ZBP1: variants seen among roughly 807,000 people sequenced by gnomAD.
ZBP1 encodes the protein Z-DNA-binding protein 1.
Under a neutral mutation model 41.1 loss-of-function variants are expected in ZBP1, and 42 were observed. That is an observed-to-expected ratio of 1.02 (90% CI 0.80 to 1.32). The LOEUF (loss-of-function observed/expected upper bound fraction) is 1.32. ZBP1 is among the 40% of genes most tolerant of loss of function. The pLI, the probability that ZBP1 is intolerant of heterozygous loss-of-function variation, is 0.00. For synonymous variants in ZBP1, 214 were observed against 205.2 expected, an observed-to-expected ratio of 1.04 and a Z score of -0.37; for missense variants, 562 against 549.7, an observed-to-expected ratio of 1.02 and a Z score of -0.22.
chr20:57,604,571 C>T lies in ZBP1; in HGVS notation c.*2G>A. On this transcript the variant is annotated 3_prime_UTR_variant, in exon 8 of 8. Transcript: ENST00000371173. The stretch of plus-strand genomic sequence containing the variant: ...TGTCCAAGCCCCACGTGAGGCTGTG[C>T]ACTAAATCCCACCTCCCCACCAGCT... 6 of 1,612,428 alleles carry T rather than the reference C, an allele frequency of 3.7e-6. No homozygotes were observed. The highest frequency in any genetic ancestry group is 5.1e-6 in the Non-Finnish European group (6 of 1,179,032).
chr20:57,605,971 G>A lies in ZBP1; in HGVS notation c.1094-1202C>T, dbSNP rs546627776. ...AATAAATAAATAAATAACCCCAAAC[G>A]GCCTCTATGTGCTAAAGTGAAAGGA... On this transcript the variant is annotated intron_variant, in intron 7 of 7. Transcript: ENST00000371173. Among the ~76,000 whole-genome samples, 9 of 152,022 alleles carry A rather than the reference G, an allele frequency of 5.9e-5. No homozygotes were observed. In the South Asian group the frequency reaches 8.3e-4, roughly 14 times the overall value.
intron 1 of ZBP1, 165 bp downstream of exon 1, chr20:57,620,097 A>G (rs2070964695): frequency 1.3e-6 from 1 of 787,706 alleles, no homozygotes; most frequent in Non-Finnish European, 2.1e-6. Context: ...TCGCCTCCCA[A>G]AGTGCTGGGA....
rs763542200 is a variant in ZBP1 at position 57,607,172 on chromosome 20, A to C, written c.1094-2403T>G. ...CTTCTGGAAAAGATCACCAATCTACATGCCGTTAAGAACATTTGTGATTCA... is the reference window on the plus strand; with the variant it reads ...CTTCTGGAAAAGATCACCAATCTACCTGCCGTTAAGAACATTTGTGATTCA... On this transcript the variant is annotated intron_variant, in intron 7 of 7. Transcript: ENST00000371173. The C allele has an allele frequency of 2.5e-5, 33 of 1,304,140 alleles. No homozygotes were observed. In the Admixed American group the frequency reaches 2.8e-4, roughly 11 times the overall value. The allele number at this position is 1,304,140 out of a possible 1,614,324, so 80.8% of individuals were successfully genotyped here.
rs1600736941 is a variant in ZBP1, at chr20:57,613,688, G to C, written c.503-358C>G. On this transcript the variant is annotated intron_variant, in intron 4 of 7. Transcript: ENST00000371173. This position sits in a 1 kb window ranked among gnomAD's most constrained non-coding sequence, Gnocchi z 4.5. Reference sequence around the variant, plus strand: ...ACCTGCACCATTGCCCTTTTCCCTTGAGTAATGGCCGAGAAACAGCAGCCC... The same window carrying C: ...ACCTGCACCATTGCCCTTTTCCCTTCAGTAATGGCCGAGAAACAGCAGCCC... 6.6e-6 allele frequency among the ~76,000 whole-genome samples: 1 copy of C among 152,316 alleles called. No homozygotes were observed. Among genetic ancestry groups the C allele is most frequent in the Non-Finnish European group, 1.5e-5 (1 of 68,034 alleles).
At chr20:57,608,126 CA>C (rs2070542293) in intron 7 of ZBP1, among the ~76,000 whole-genome samples, 1 of 130,066 alleles carries the variant, frequency 7.7e-6, no homozygotes, top group Non-Finnish European at 1.7e-5. Context: ...GGAGTGTGAC[CA>C]TTTTTTTTTT....
rs1290394382 is a variant in ZBP1 at position 57,604,702 on chromosome 20, G to A, written c.1161C>T (p.Pro387=). Reference sequence around the variant, plus strand: ...GCTTGGGGGTGAGCTTCGAGTGGCTGGGAGTGATGGGCTGACCAATGTCTC... The same window carrying A: ...GCTTGGGGGTGAGCTTCGAGTGGCTAGGAGTGATGGGCTGACCAATGTCTC... ...FPRDIGQPIT[P]SHSKLTPKLE... The change falls in exon 8 of 8, where the codon CCC becomes CCT. Residue 387 remains proline (P), a synonymous_variant. Transcript: ENST00000371173. 6.2e-7 allele frequency: 1 copy of A among 1,614,078 alleles called. No individual in the cohort carries two copies. The highest frequency in any genetic ancestry group is 8.5e-7 in the Non-Finnish European group (1 of 1,180,046).
At chr20:57,604,790 G>A (rs778381596) in intron 7 of ZBP1, 21 bp from the exon 8 acceptor site, 5 of 1,604,550 alleles carry the variant, frequency 3.1e-6, no homozygotes, top group Non-Finnish European at 4.3e-6. Context: ...GAAGATGGGG[G>A]ATCAGCTTCA....
At position 57,613,434 on chromosome 20, in the gene ZBP1, A is replaced by AC. The variant is rs1336427897; in HGVS notation, c.503-105dup. The AC allele has an allele frequency of 1.3e-5, 17 of 1,306,904 alleles. No individual in the cohort carries two copies. Among genetic ancestry groups the AC allele is most frequent in the Non-Finnish European group, 1.7e-5 (16 of 936,950 alleles). 81.0% of individuals were successfully genotyped at this position (1,306,904 alleles called of 1,614,324 possible). A position where few individuals can be genotyped will look rare whatever the true frequency, so the allele number is the denominator to read the frequency against. ...ATTCTCCTGGGGAGCTTGTTAAAAT[A>AC]CCCTGGGCGTTCCGAGTCAGTAGGG... On this transcript the variant is annotated intron_variant, in intron 4 of 7. Coordinates refer to ENST00000371173, the MANE Select transcript of ZBP1 (RefSeq NM_030776.3). The surrounding 1 kb of genome is among the most constrained non-coding windows in gnomAD (Gnocchi z 4.5).
intron 1 of ZBP1, chr20:57,618,033 C>T (rs1404898465): frequency 6.6e-6 from 1 of 152,262 alleles, no homozygotes; most frequent in Non-Finnish European, 1.5e-5. Context: ...AGGAGGAATT[C>T]TCCAAATGGC....
intron 6 of ZBP1, among the ~76,000 whole-genome samples, chr20:57,611,411 A>ATTTTTTTTTTTTTTTTTTTTTTTTTTTT (rs3068061): frequency 7.4e-5 from 7 of 95,142 alleles, no homozygotes; most frequent in Non-Finnish European, 9.6e-5. Flanking sequence ...TGCCCGGTTA[A>ATTTTTTTTTTTTTTTTTTTTTTTTTTTT]TTTTTTTTTT....
At chr20:57,617,128 C>T (rs1279963281) in intron 1 of ZBP1, 6 of 153,888 alleles carry the variant, frequency 3.9e-5, no homozygotes, top group Admixed American at 2.6e-4. Context: ...TGATAGGCTC[C>T]CCGTTGGCCC....
chr20:57,606,811 A>T (rs920766671), intron 7 of ZBP1, among the ~76,000 whole-genome samples: 1 of 152,214 alleles, frequency 6.6e-6, no homozygotes, highest in East Asian at 1.9e-4. Flanking sequence ...ATTGAGACTT[A>T]CTGCTTAGAA....
At position 57,604,206 on chromosome 20, in the gene ZBP1, T is replaced by G. The variant is rs1263587848; in HGVS notation, c.*367A>C. ...GTTTTGATATGAATTTTGTTGGGAC[T>G]CAAACATTCAAACCACAGCAGGTAG... On this transcript the variant is annotated 3_prime_UTR_variant, in exon 8 of 8. Coordinates refer to ENST00000371173, the MANE Select transcript of ZBP1 (RefSeq NM_030776.3). 2 of 374,948 alleles carry G rather than the reference T, an allele frequency of 5.3e-6. No individual in the cohort carries two copies. The highest frequency in any genetic ancestry group is 1.0e-5 in the Non-Finnish European group (2 of 192,972). The allele number at this position is 374,948 out of a possible 1,614,324, so 23.2% of individuals were successfully genotyped here.
At chr20:57,612,063 C>T in intron 5 of ZBP1, 133 bp from the exon 6 acceptor site, 1 of 1,018,236 alleles carries the variant, frequency 9.8e-7, no homozygotes, top group Non-Finnish European at 1.4e-6. Flanking sequence ...ACTTCAGGCT[C>T]TGGCTTAGAG....
rs915139042 is a variant in ZBP1 at position 57,607,446 on chromosome 20, A to G, written c.1094-2677T>C. On this transcript the variant is annotated intron_variant, in intron 7 of 7. Coordinates refer to ENST00000371173, the MANE Select transcript of ZBP1 (RefSeq NM_030776.3). Reference sequence around the variant, plus strand: ...AAAGAAAGTGGTTTCTTGAGATGGCATCTATTCCTGGTGAAGATACTGCGA... The same window carrying G: ...AAAGAAAGTGGTTTCTTGAGATGGCGTCTATTCCTGGTGAAGATACTGCGA... The G allele has an allele frequency of 8.2e-6, 9 of 1,096,760 alleles. No homozygotes were observed. In the African/African-American group the frequency reaches 1.3e-4, roughly 16 times the overall value. 67.9% of individuals were successfully genotyped at this position (1,096,760 alleles called of 1,614,324 possible).
At chr20:57,619,392 T>C (rs1437540306) in intron 1 of ZBP1, among the ~76,000 whole-genome samples, 1 of 152,116 alleles carries the variant, frequency 6.6e-6, no homozygotes, top group Non-Finnish European at 1.5e-5. Context: ...GTGGTGAGGA[T>C]TAAAAACAAA....
In ZBP1 at chr20:57,613,877, T is replaced by C. The variant is rs2070744187; in HGVS notation, c.503-547A>G. On this transcript the variant is annotated intron_variant, in intron 4 of 7. Coordinates refer to ENST00000371173, the MANE Select transcript of ZBP1 (RefSeq NM_030776.3). The surrounding 1 kb of genome is among the most constrained non-coding windows in gnomAD (Gnocchi z 4.5). ...CCGTCATGAGTAGCAGAGTCAGCCCTGCAGAGGTTGAGGCAGGCACCTGCC... is the reference window on the plus strand; with the variant it reads ...CCGTCATGAGTAGCAGAGTCAGCCCCGCAGAGGTTGAGGCAGGCACCTGCC... Among the ~76,000 whole-genome samples, 2 of 152,212 alleles carry C rather than the reference T, an allele frequency of 1.3e-5. No homozygotes were observed. The highest frequency in any genetic ancestry group is 4.1e-4 in the South Asian group (2 of 4,834).
chr20:57,612,903 T>C (rs2070711317), intron 5 of ZBP1: 1 of 1,340,728 alleles, frequency 7.5e-7, no homozygotes, highest in Admixed American at 3.4e-5. Context: ...AATTTTAAAA[T>C]TTTATTAGAA....
chr20:57,610,344 C>G lies in ZBP1; in HGVS notation c.898G>C (p.Glu300Gln), dbSNP rs781093980. 1 of 1,614,176 alleles carries G rather than the reference C, an allele frequency of 6.2e-7. No homozygotes were observed. The highest frequency in any genetic ancestry group is 8.5e-7 in the Non-Finnish European group (1 of 1,180,026). Residue 300 changes from glutamate to glutamine, a missense_variant, in exon 7 of 8, where the codon GAA becomes CAA. Transcript: ENST00000371173. The surrounding 1 kb of genome is among the most constrained non-coding windows in gnomAD (Gnocchi z 5.5). ...GGAATTCTTGCTTCAAACGAAGCTTCTGGGCCGGCAGCAGTGGCAGAGACT... is the reference window on the plus strand; with the variant it reads ...GGAATTCTTGCTTCAAACGAAGCTTGTGGGCCGGCAGCAGTGGCAGAGACT... The part of the protein sequence containing the change: ...PPVSATAAGP[E>Q]ASFEARIPSP...
Sources: allele counts gnomAD v4.1 joint callset (sites outside exome capture counted in the v4.1 genomes callset), GRCh38; gene constraint gnomAD v4.1.1; non-coding constraint Gnocchi (gnomAD v3.1); transcripts MANE v1.5; gene names NCBI Gene and HGNC (gene_info 2026-07-23, HGNC 2026-07-21).